The following PALB2 variants were observed in gnomAD, a reference collection of about 807,000 sequenced individuals.
PALB2 encodes the protein partner and localizer of BRCA2, also known as mutant partner and localizer of BRCA2.
A neutral mutation model predicts 107.4 loss-of-function variants in PALB2; 82 were observed. That is an observed-to-expected ratio of 0.76 (90% CI 0.64 to 0.92). The LOEUF (loss-of-function observed/expected upper bound fraction) is 0.92, where lower values mean the gene tolerates loss of function less well. PALB2 is among the 40% of genes least tolerant of loss of function. The probability of loss-of-function intolerance (pLI) is 0.00; values close to 1 mark genes in which losing one functional copy is unlikely to be tolerated. For missense variants in PALB2, 1,374 were observed against 1,379.9 expected (o/e 1.00, Z 0.07); for synonymous variants, 489 against 496.8 (o/e 0.98, Z 0.21).
intron 6 of PALB2, among the ~76,000 whole-genome samples, chr16:23,628,150 T>C (rs1380171840): frequency 1.3e-5 from 2 of 152,194 alleles, no homozygotes; most frequent in African/African-American, 4.8e-5. Flanking sequence ...CTTGAACCTG[T>C]AGGCGGAGGT....
chr16:23,612,430 G>A (rs1417785481), intron 11 of PALB2, among the ~76,000 whole-genome samples: 1 of 151,948 alleles, frequency 6.6e-6, no homozygotes, highest in African/African-American at 2.4e-5. Flanking sequence ...TGTTGGCCAG[G>A]CTGGTCTCGA....
chr16:23,637,798 A>G (rs2142454705), intron 3 of PALB2, 52 bp downstream of exon 3: 1 of 1,407,454 alleles, frequency 7.1e-7, no homozygotes, highest in Non-Finnish European at 1.0e-6. Context: ...TAGCCAAAAT[A>G]TACCTGGGAA....
chr16:23,608,920 C>A, intron 11 of PALB2, among the ~76,000 whole-genome samples: 1 of 151,878 alleles, frequency 6.6e-6, no homozygotes, highest in Non-Finnish European at 1.5e-5. Context: ...CTCCGCCTCC[C>A]AGGTTCAAGT....
rs373592244 is a variant in PALB2 at position 23,608,977 on chromosome 16, G to A, written c.3202-965C>T. Among the ~76,000 whole-genome samples, 8 of 151,906 alleles carry A rather than the reference G, an allele frequency of 5.3e-5. No homozygotes were observed. In the East Asian group the frequency reaches 5.8e-4, roughly 11 times the overall value. On this transcript the variant is annotated intron_variant, in intron 11 of 12. Coordinates refer to ENST00000261584, the MANE Select transcript of PALB2 (RefSeq NM_024675.4). ...CAAGTAGCTGGGATTACAGGTATGC[G>A]CCACCATGCCTGGCTAATTTTTGTA... is the stretch of plus-strand genomic sequence containing the variant.
intron 1 of PALB2, 120 bp downstream of exon 1, chr16:23,640,990 G>C: frequency 8.8e-7 from 1 of 1,133,680 alleles, no homozygotes; most frequent in Non-Finnish European, 1.3e-6. Context: ...TCAGCCCTAA[G>C]AGGAGGGGGT....
chr16:23,618,039 C>A (rs1966714130), intron 10 of PALB2, among the ~76,000 whole-genome samples: 2 of 152,074 alleles, frequency 1.3e-5, no homozygotes, highest in African/African-American at 4.8e-5. Flanking sequence ...TGGTGTACAT[C>A]TGTGGTCTCG....
intron 9 of PALB2, among the ~76,000 whole-genome samples, chr16:23,622,745 A>AC (rs1272716261): frequency 1.3e-5 from 2 of 152,084 alleles, no homozygotes; most frequent in Non-Finnish European, 2.9e-5. Flanking sequence ...TGAAGAACAA[A>AC]CTACATTTGC....
chr16:23,631,718 C>T (rs75870247), intron 4 of PALB2, among the ~76,000 whole-genome samples: 4,441 of 152,234 alleles, frequency 0.029, 197 homozygotes, highest in African/African-American at 0.099. Context: ...ACTAAAAATA[C>T]CTACATTCTT....
At chr16:23,613,870 G>A in intron 11 of PALB2, 134 bp downstream of exon 11, 1 of 702,430 alleles carries the variant, frequency 1.4e-6, no homozygotes, top group Non-Finnish European at 2.5e-6. Flanking sequence ...TTTCAAGAAA[G>A]GACAAACATT....
Position 23,626,365 on chromosome 16 carries a change from A to C in PALB2, c.2619T>G (p.Ser873Arg), listed in dbSNP as rs587782387. Residue 873 changes from serine (S) to arginine (R), a missense_variant, in exon 7 of 13, where the codon AGT (serine) becomes AGG (arginine). By Grantham distance (110) the Ser-to-Arg change is moderately radical. Coordinates refer to ENST00000261584, the MANE Select transcript of PALB2 (RefSeq NM_024675.4). Reference sequence around the variant, plus strand: ...AACCGGCTCTTTCCCAAAACATGGCACTCACATCTACGGAACAGGAACCTG... The same window carrying C: ...AACCGGCTCTTTCCCAAAACATGGCCCTCACATCTACGGAACAGGAACCTG... ...NPSGSCSVDV[S>R]AMFWERAGCK... The C allele has an allele frequency of 1.8e-5, 29 of 1,614,060 alleles. No homozygotes were observed. Among genetic ancestry groups the C allele is most frequent in the Non-Finnish European group, 2.3e-5 (27 of 1,180,048 alleles).
At chr16:23,636,736 ATCTCT>A (rs1967072395) in intron 3 of PALB2, among the ~76,000 whole-genome samples, 1 of 152,166 alleles carries the variant, frequency 6.6e-6, no homozygotes, top group Admixed American at 6.5e-5. Context: ...TTATCACACA[ATCTCT>A]TCTCTTAACT....
At chr16:23,622,923 A>T (rs1240226627) in intron 9 of PALB2, 46 bp downstream of exon 9, 1 of 1,609,392 alleles carries the variant, frequency 6.2e-7, no homozygotes, top group South Asian at 1.1e-5. Context: ...CTGTGATAAA[A>T]TCATTCTTCA....
chr16:23,636,300 T>C lies in PALB2; in HGVS notation c.246A>G (p.Leu82=), dbSNP rs2142447751. Residue 82 remains leucine (L), a synonymous_variant, in exon 4 of 13, where the codon TTA becomes TTG. Transcript: ENST00000261584. ...PKNKICVYDK[L]HIKTHLDEET... ...CTTCATCAAGATGGGTTTTGATGTGTAACTTGTCATAAACACATATTTTAT... is the reference window on the plus strand; with the variant it reads ...CTTCATCAAGATGGGTTTTGATGTGCAACTTGTCATAAACACATATTTTAT... The C allele has an allele frequency of 6.2e-7, 1 of 1,612,962 alleles. No homozygotes were observed. The highest frequency in any genetic ancestry group is 1.1e-5 in the South Asian group (1 of 90,880).
At chr16:23,636,396 C>G (rs898713365) in intron 3 of PALB2, 62 bp from the exon 4 acceptor site, 2 of 1,083,026 alleles carry the variant, frequency 1.8e-6, no homozygotes. Flanking sequence ...AAAAAATACT[C>G]ATTTTTAACC....
At chr16:23,616,882 C>T (rs905604833) in intron 10 of PALB2, among the ~76,000 whole-genome samples, 3 of 151,604 alleles carry the variant, frequency 2.0e-5, no homozygotes, top group Non-Finnish European at 2.9e-5. Flanking sequence ...GCGTGATCTC[C>T]GCTCACTGCA....
chr16:23,635,507 CTTTT>C lies in PALB2; in HGVS notation c.1035_1038del (p.Lys346AsnfsTer9). The C allele has an allele frequency of 1.2e-6, 2 of 1,613,778 alleles. No homozygotes were observed. The highest frequency in any genetic ancestry group is 4.5e-5 in the East Asian group (2 of 44,882). Reference sequence around the variant, plus strand: ...AAAGATTTCTCTGTTTGATTTTGTTCTTTTAAGTTTTGGTTTTCATTTGCTGGTA... The same window carrying C: ...AAAGATTTCTCTGTTTGATTTTGTTCAAGTTTTGGTTTTCATTTGCTGGTA... On this transcript the variant is annotated frameshift_variant, in exon 4 of 13. Coordinates refer to ENST00000261584, the MANE Select transcript of PALB2 (RefSeq NM_024675.4). LOFTEE classifies it high-confidence loss of function.
chr16:23,638,515 T>C (rs1330592795), intron 1 of PALB2: 3 of 462,470 alleles, frequency 6.5e-6, no homozygotes, highest in East Asian at 6.5e-5. Flanking sequence ...TCCTTGAAGG[T>C]AGCAGGAACT....
chr16:23,634,621 G>A lies in PALB2; in HGVS notation c.1684+241C>T, dbSNP rs182326557. ...ACGGCACTCCAGCCTGGACAACAGT[G>A]AGCCCCTGTCTCTTTATTTTTATTT... On this transcript the variant is annotated intron_variant, in intron 4 of 12. Coordinates refer to ENST00000261584, the MANE Select transcript of PALB2 (RefSeq NM_024675.4). 7.9e-5 allele frequency among the ~76,000 whole-genome samples: 12 copies of A among 151,716 alleles called. No homozygotes were observed. In the East Asian group the frequency reaches 2.3e-3, roughly 29 times the overall value.
chr16:23,620,070 C>T (rs1252681397), intron 10 of PALB2, among the ~76,000 whole-genome samples: 2 of 152,104 alleles, frequency 1.3e-5, no homozygotes, highest in African/African-American at 2.4e-5. Flanking sequence ...ATGAGCCACC[C>T]GTGCCCGGCC....
Sources: allele counts gnomAD v4.1 joint callset (sites outside exome capture counted in the v4.1 genomes callset), GRCh38; gene constraint gnomAD v4.1.1; transcripts MANE v1.5; gene names NCBI Gene and HGNC (gene_info 2026-07-23, HGNC 2026-07-21).